Variants in HACD3 observed in about 807,000 individuals in gnomAD.
The protein encoded by HACD3 is 3-hydroxyacyl-CoA dehydratase 3, also known as very-long-chain (3R)-3-hydroxyacyl-CoA dehydratase 3.
HACD3 carries 30 observed loss-of-function variants against 55.2 expected under a neutral mutation model. The observed-to-expected ratio is 0.54, with a 90% CI of 0.41 to 0.74. The LOEUF (loss-of-function observed/expected upper bound fraction) is 0.74, where lower values mean the gene tolerates loss of function less well. Ranked by LOEUF, HACD3 falls within the 30% of genes least tolerant of loss-of-function variation. The pLI is 0.00. For synonymous variants in HACD3, 141 were observed against 151.7 expected, an observed-to-expected ratio of 0.93 and a Z score of 0.52; for missense variants, 363 against 440.1, an observed-to-expected ratio of 0.82 and a Z score of 1.57.
At chr15:65,543,267 A>G (rs1476053282) in intron 1 of HACD3, among the ~76,000 whole-genome samples, 3 of 152,110 alleles carry the variant, frequency 2.0e-5, no homozygotes, top group Middle Eastern at 3.2e-3. Flanking sequence ...CTTTTAGTGG[A>G]ATATATTCTA....
chr15:65,530,810 G>C (rs2071889586), intron 1 of HACD3, 92 bp downstream of exon 1: 3 of 1,273,976 alleles, frequency 2.4e-6, no homozygotes, highest in African/African-American at 3.1e-5. Context: ...GTGCGCGCCG[G>C]AGAGCCTGCA....
intron 1 of HACD3, among the ~76,000 whole-genome samples, chr15:65,546,892 A>G (rs1051376439): frequency 1.1e-4 from 17 of 152,210 alleles, no homozygotes; most frequent in Admixed American, 5.9e-4. Context: ...GACTTAGTAT[A>G]TAATTGTACT....
At chr15:65,546,412 T>C (rs891628520) in intron 1 of HACD3, among the ~76,000 whole-genome samples, 4 of 152,148 alleles carry the variant, frequency 2.6e-5, no homozygotes, top group African/African-American at 9.7e-5. Context: ...ATGTGGAGGT[T>C]AAGTATGATG....
At chr15:65,576,263 C>CA in intron 10 of HACD3, 40 bp from the exon 11 acceptor site, 1 of 1,553,534 alleles carries the variant, frequency 6.4e-7, no homozygotes, top group Non-Finnish European at 8.7e-7. Flanking sequence ...TATAAATAGA[C>CA]AAAGACTCTA....
At position 65,530,663 on chromosome 15, in the gene HACD3, A is replaced by T. The variant is rs1244300782; in HGVS notation, c.32A>T (p.Tyr11Phe). Residue 11 changes from tyrosine to phenylalanine, a missense_variant, in exon 1 of 11, where the codon TAC becomes TTC. Tyr to Phe is a conservative substitution (Grantham distance 22). Transcript: ENST00000261875. MENQVLTPHV[Y>F]WAQRHRELYL... ...AATCAGGTGTTGACGCCGCATGTCT[A>T]CTGGGCTCAGCGACACCGCGAGCTA... 1.3e-6 allele frequency: 2 copies of T among 1,582,508 alleles called. No individual in the cohort carries two copies. The highest frequency in any genetic ancestry group is 1.8e-5 in the Admixed American group (1 of 55,534).
At chr15:65,559,287 T>TA (rs1303515391) in intron 5 of HACD3, among the ~76,000 whole-genome samples, 1 of 152,112 alleles carries the variant, frequency 6.6e-6, no homozygotes, top group Admixed American at 6.6e-5. Flanking sequence ...AGCTATCTGT[T>TA]AAAGTCATGC....
At chr15:65,540,089 A>G (rs1243388651) in intron 1 of HACD3, among the ~76,000 whole-genome samples, 5 of 152,242 alleles carry the variant, frequency 3.3e-5, no homozygotes, top group Non-Finnish European at 7.3e-5. Flanking sequence ...CAAATAAAGC[A>G]AAATGCTAAT....
chr15:65,530,689 T>C lies in HACD3; in HGVS notation c.58T>C (p.Tyr20His). Residue 20 changes from tyrosine to histidine, a missense_variant, in exon 1 of 11, where the codon TAT becomes CAT. By Grantham distance (83) the Tyr-to-His change is moderately conservative (BLOSUM62 2). Transcript: ENST00000261875. Reference sequence around the variant, plus strand: ...CTGGGCTCAGCGACACCGCGAGCTATATCTGCGCGTGGAGCTGAGTGACGT... The same window carrying C: ...CTGGGCTCAGCGACACCGCGAGCTACATCTGCGCGTGGAGCTGAGTGACGT... The part of the protein sequence containing the change: ...VYWAQRHREL[Y>H]LRVELSDVQN... The C allele has an allele frequency of 6.3e-7, 1 of 1,576,192 alleles. No individual in the cohort carries two copies. The highest frequency in any genetic ancestry group is 8.6e-7 in the Non-Finnish European group (1 of 1,162,136).
rs540693787 is a variant in HACD3 at position 65,578,262 on chromosome 15, G to A, written c.*1883G>A. The A allele has an allele frequency of 1.3e-5, 2 of 152,316 alleles. No homozygotes were observed. Among genetic ancestry groups the A allele is most frequent in the South Asian group, 2.1e-4 (1 of 4,830 alleles). 9.4% of individuals were successfully genotyped at this position (152,316 alleles called of 1,614,324 possible). A position where few individuals can be genotyped will look rare whatever the true frequency, so the allele number is the denominator to read the frequency against. On this transcript the variant is annotated 3_prime_UTR_variant, in exon 11 of 11. Coordinates refer to ENST00000261875, the MANE Select transcript of HACD3 (RefSeq NM_016395.4). ...TGCTGCATCCTCGTGGCAAAATTCT[G>A]TATTCTTAGTGATTGTTACAAACCC...
intron 1 of HACD3, among the ~76,000 whole-genome samples, chr15:65,546,933 ACAGGACAGGAT>A (rs1474856731): frequency 6.6e-6 from 1 of 152,216 alleles, no homozygotes; most frequent in Non-Finnish European, 1.5e-5. Flanking sequence ...GCTGGAGAAT[ACAGGACAGGAT>A]CAGTAAAGGA....
Position 65,554,969 on chromosome 15 carries a change from T to C in HACD3, c.204+9T>C. The C allele has an allele frequency of 6.3e-7, 1 of 1,588,382 alleles. No homozygotes were observed. The highest frequency in any genetic ancestry group is 8.6e-7 in the Non-Finnish European group (1 of 1,156,978). On this transcript the variant is annotated intron_variant, in intron 3 of 10. Coordinates refer to ENST00000261875, the MANE Select transcript of HACD3 (RefSeq NM_016395.4). ...ACCTTGTGAAACCAGAGGTATGTTC[T>C]TTCCTTTCTCACTTCCCTTCCCATT...
rs2072407934 is a variant in HACD3 at position 65,576,947 on chromosome 15, A to G, written c.*568A>G. On this transcript the variant is annotated 3_prime_UTR_variant, in exon 11 of 11. Coordinates refer to ENST00000261875, the MANE Select transcript of HACD3 (RefSeq NM_016395.4). ...CTAGAGAACATACTTTACATCTGAC[A>G]TCCTTTGGCCTAACAACATCTATTA... 2 of 152,806 alleles carry G rather than the reference A, an allele frequency of 1.3e-5. No homozygotes were observed. Among genetic ancestry groups the G allele is most frequent in the African/African-American group, 2.4e-5 (1 of 41,464 alleles). 9.5% of individuals were successfully genotyped at this position (152,806 alleles called of 1,614,324 possible). A position where few individuals can be genotyped will look rare whatever the true frequency, so the allele number is the denominator to read the frequency against.
chr15:65,540,017 TG>T (rs1474418973), intron 1 of HACD3, among the ~76,000 whole-genome samples: 1 of 152,132 alleles, frequency 6.6e-6, no homozygotes, highest in Non-Finnish European at 1.5e-5. Context: ...GAGAGGGCAT[TG>T]GGATTGAGAA....
At chr15:65,571,178 C>A (rs2072344069) in intron 8 of HACD3, among the ~76,000 whole-genome samples, 1 of 152,112 alleles carries the variant, frequency 6.6e-6, no homozygotes, top group African/African-American at 2.4e-5. Context: ...GATTAGAGGT[C>A]TTCTGTATAC....
At chr15:65,530,746 C>T in intron 1 of HACD3, 28 bp downstream of exon 1, 1 of 1,523,082 alleles carries the variant, frequency 6.6e-7, no homozygotes, top group East Asian at 2.6e-5. Context: ...CGGCGGGAAG[C>T]GCGCGGGATC....
rs1596222591 is a variant in HACD3 at position 65,577,179 on chromosome 15, C to A, written c.*800C>A. On this transcript the variant is annotated 3_prime_UTR_variant, in exon 11 of 11. Coordinates refer to ENST00000261875, the MANE Select transcript of HACD3 (RefSeq NM_016395.4). ...GTGGCTCACACCTGTAATCCCAGCA[C>A]TTTGGGACACCTAGGTGGGAGCATC... The A allele has an allele frequency of 6.6e-6, 1 of 152,212 alleles. No individual in the cohort carries two copies. The highest frequency in any genetic ancestry group is 1.5e-5 in the Non-Finnish European group (1 of 68,056). 9.4% of individuals were successfully genotyped at this position (152,212 alleles called of 1,614,324 possible). A position where few individuals can be genotyped will look rare whatever the true frequency, so the allele number is the denominator to read the frequency against.
At chr15:65,535,902 C>G in intron 1 of HACD3, 1 of 496,180 alleles carries the variant, frequency 2.0e-6, no homozygotes, top group South Asian at 3.1e-5. Context: ...GTTGGCCAGG[C>G]TGGTCTTGAA....
At chr15:65,544,866 A>G (rs527380157) in intron 1 of HACD3, among the ~76,000 whole-genome samples, 1 of 152,218 alleles carries the variant, frequency 6.6e-6, no homozygotes, top group African/African-American at 2.4e-5. Context: ...TACTAAAAAT[A>G]CAAAATTAGC....
chr15:65,532,015 TTTC>T (rs1240815168), intron 1 of HACD3, among the ~76,000 whole-genome samples: 1 of 152,134 alleles, frequency 6.6e-6, no homozygotes, highest in Non-Finnish European at 1.5e-5. Flanking sequence ...ATGTAGGTGC[TTTC>T]TGAGTGTCGA....
Sources: allele counts gnomAD v4.1 joint callset (sites outside exome capture counted in the v4.1 genomes callset), GRCh38; gene constraint gnomAD v4.1.1; transcripts MANE v1.5; gene names NCBI Gene and HGNC (gene_info 2026-07-23, HGNC 2026-07-21).